Variants in GNA14 observed in about 807,000 individuals in gnomAD.
GNA14 encodes the protein guanine nucleotide-binding protein subunit alpha-14.
Under a neutral mutation model 42.0 loss-of-function variants are expected in GNA14, and 50 were observed. The ratio of observed to expected loss-of-function variants is 1.19; its 90% CI spans 0.95 to 1.51. The LOEUF (loss-of-function observed/expected upper bound fraction) is 1.51, where lower values mean the gene tolerates loss of function less well. Ranked by LOEUF, GNA14 falls within the 40% of genes most tolerant of loss-of-function variation. The pLI is 0.00. For synonymous variants in GNA14, 173 were observed against 163.1 expected (o/e 1.06, Z -0.46); for missense variants, 473 against 446.2 (o/e 1.06, Z -0.54).
chr9:77,480,596 T>C (rs551458736), intron 2 of GNA14, among the ~76,000 whole-genome samples: 16 of 152,330 alleles, frequency 1.1e-4, no homozygotes, highest in African/African-American at 1.9e-4. Flanking sequence ...TCTTTTTCTA[T>C]TGATGGGAAT....
intron 2 of GNA14, among the ~76,000 whole-genome samples, chr9:77,499,748 G>A (rs1219470735): frequency 1.3e-5 from 2 of 152,080 alleles, no homozygotes; most frequent in Admixed American, 6.6e-5. Context: ...TACTCAGGAG[G>A]CTGAGGCAGG....
At chr9:77,627,346 C>T (rs1033947935) in intron 1 of GNA14, among the ~76,000 whole-genome samples, 1 of 152,072 alleles carries the variant, frequency 6.6e-6, no homozygotes, top group Non-Finnish European at 1.5e-5. Context: ...CTATTCCAAA[C>T]AACAGAAAAA....
At chr9:77,442,914 A>G (rs1482248379) in intron 2 of GNA14, among the ~76,000 whole-genome samples, 1 of 152,252 alleles carries the variant, frequency 6.6e-6, no homozygotes. Flanking sequence ...GAGTCTCTCT[A>G]CTAAGACAAA....
intron 2 of GNA14, among the ~76,000 whole-genome samples, chr9:77,490,549 G>A (rs915145313): frequency 1.2e-4 from 18 of 152,238 alleles, no homozygotes; most frequent in East Asian, 5.8e-4. Flanking sequence ...GCTAAGGCCT[G>A]GTGAGAAATT....
At chr9:77,576,745 A>G (rs1025537209) in intron 1 of GNA14, among the ~76,000 whole-genome samples, 2 of 152,032 alleles carry the variant, frequency 1.3e-5, no homozygotes, top group African/African-American at 4.8e-5. Flanking sequence ...TCTATGTTCC[A>G]TGATTCATCC....
At chr9:77,432,652 T>G (rs891830194) in intron 3 of GNA14, among the ~76,000 whole-genome samples, 3 of 152,196 alleles carry the variant, frequency 2.0e-5, no homozygotes, top group African/African-American at 7.2e-5. Context: ...GTTGGGCGAC[T>G]GGGTTTAGGA....
chr9:77,615,666 ACCATCCCAACCCACTGCTGGTG>A (rs1371248524), intron 1 of GNA14, among the ~76,000 whole-genome samples: 1 of 151,156 alleles, frequency 6.6e-6, no homozygotes, highest in Non-Finnish European at 1.5e-5. Context: ...CTGTACTTAG[ACCATCCCAACCCACTGCTGGTG>A]GTTGAAAATG....
chr9:77,595,998 G>T (rs1411436839), intron 1 of GNA14, among the ~76,000 whole-genome samples: 1 of 152,038 alleles, frequency 6.6e-6, no homozygotes. Context: ...CCTCAGACCT[G>T]CAGGGAGGGA....
intron 1 of GNA14, among the ~76,000 whole-genome samples, chr9:77,586,079 C>T (rs938215963): frequency 2.0e-5 from 3 of 152,054 alleles, no homozygotes; most frequent in East Asian, 3.9e-4. Context: ...ACAACAGCCG[C>T]GCTCCCCTCT....
chr9:77,521,082 C>T (rs1238817000), intron 2 of GNA14, among the ~76,000 whole-genome samples: 3 of 152,138 alleles, frequency 2.0e-5, no homozygotes, highest in Non-Finnish European at 2.9e-5. Context: ...CTAAAGTAAA[C>T]ACTGATTAAT....
At chr9:77,548,722 A>C (rs1011639454) in intron 1 of GNA14, among the ~76,000 whole-genome samples, 5 of 152,170 alleles carry the variant, frequency 3.3e-5, no homozygotes, top group Non-Finnish European at 7.3e-5. Flanking sequence ...TTCCCCTCAC[A>C]TTATTTTCTA....
At chr9:77,544,719 G>C (rs1400964973) in intron 1 of GNA14, among the ~76,000 whole-genome samples, 1 of 149,100 alleles carries the variant, frequency 6.7e-6, no homozygotes, top group African/African-American at 2.5e-5. Flanking sequence ...TGAGCTCACT[G>C]TCATCTCTAA....
intron 2 of GNA14, among the ~76,000 whole-genome samples, chr9:77,460,743 C>T (rs932698563): frequency 4.6e-5 from 7 of 152,124 alleles, no homozygotes; most frequent in African/African-American, 7.2e-5. Context: ...GACTACGCCT[C>T]GGCTATGGGG....
intron 2 of GNA14, among the ~76,000 whole-genome samples, chr9:77,478,581 T>A (rs959935208): frequency 2.7e-4 from 41 of 152,306 alleles, no homozygotes; most frequent in Admixed American, 1.6e-3. Flanking sequence ...TTTCTAGTTC[T>A]AGATCCCTGA....
At chr9:77,606,916 AAG>A (rs1823652827) in intron 1 of GNA14, among the ~76,000 whole-genome samples, 1 of 152,148 alleles carries the variant, frequency 6.6e-6, no homozygotes, top group South Asian at 2.1e-4. Flanking sequence ...TAAGAACAGG[AAG>A]AGACACCAGA....
intron 1 of GNA14, among the ~76,000 whole-genome samples, chr9:77,549,328 C>T (rs547468592): frequency 3.1e-4 from 47 of 152,288 alleles, no homozygotes; most frequent in Non-Finnish European, 5.0e-4. Flanking sequence ...CAGATCCATT[C>T]GCACATTTAC....
At chr9:77,469,790 C>A (rs894955686) in intron 2 of GNA14, among the ~76,000 whole-genome samples, 8 of 152,196 alleles carry the variant, frequency 5.3e-5, no homozygotes, top group Admixed American at 3.9e-4. Context: ...TTCTGGTTCA[C>A]TCATCAGTTT....
intron 1 of GNA14, among the ~76,000 whole-genome samples, chr9:77,584,206 A>G (rs1281111085): frequency 6.6e-6 from 1 of 152,352 alleles, no homozygotes; most frequent in African/African-American, 2.4e-5. Context: ...TACCTCTACC[A>G]TTCAAAGGTG....
chr9:77,541,840 G>A (rs116077057), intron 1 of GNA14, among the ~76,000 whole-genome samples: 7,185 of 151,950 alleles, frequency 0.047, 197 homozygotes, highest in African/African-American at 0.065. Flanking sequence ...GCTTTCAAAC[G>A]TATTTCATAT....
Sources: allele counts gnomAD v4.1 joint callset (sites outside exome capture counted in the v4.1 genomes callset), GRCh38; gene constraint gnomAD v4.1.1; transcripts MANE v1.5; gene names NCBI Gene and HGNC (gene_info 2026-07-23, HGNC 2026-07-21).